Variants in CSMD3 observed in about 807,000 individuals in gnomAD.
The protein encoded by CSMD3 is CUB and sushi domain-containing protein 3.
Under a neutral mutation model 435.2 loss-of-function variants are expected in CSMD3, and 177 were observed. The ratio of observed to expected loss-of-function variants is 0.41; its 90% CI spans 0.36 to 0.46. The LOEUF is 0.46. Among genes scored for constraint, CSMD3 ranks in the 20% least tolerant of loss-of-function variants. The probability of loss-of-function intolerance (pLI) is 0.34; values close to 1 mark genes in which losing one functional copy is unlikely to be tolerated. For synonymous variants in CSMD3, 1,656 were observed against 1,520.5 expected (o/e 1.09, Z -2.07); for missense variants, 4,265 against 4,504.6 (o/e 0.95, Z 1.52).
At chr8:112,860,416 T>A (rs1188725524) in intron 10 of CSMD3, among the ~76,000 whole-genome samples, 2 of 151,742 alleles carry the variant, frequency 1.3e-5, no homozygotes, top group African/African-American at 2.4e-5. Context: ...ATAGAAAAAA[T>A]AATAAATTGT....
At chr8:112,899,347 T>C (rs1319240074) in intron 10 of CSMD3, among the ~76,000 whole-genome samples, 1 of 150,682 alleles carries the variant, frequency 6.6e-6, no homozygotes, top group East Asian at 2.0e-4. Context: ...AACTGTGAAA[T>C]TATCATATTG....
chr8:112,810,414 A>G (rs2079193698), intron 12 of CSMD3, among the ~76,000 whole-genome samples: 1 of 152,118 alleles, frequency 6.6e-6, no homozygotes, highest in Non-Finnish European at 1.5e-5. Flanking sequence ...TAAGACTGCA[A>G]ATGATAAGTC....
At chr8:113,294,344 A>G (rs2093704954) in intron 2 of CSMD3, among the ~76,000 whole-genome samples, 1 of 152,120 alleles carries the variant, frequency 6.6e-6, no homozygotes, top group South Asian at 2.1e-4. Context: ...CATTCAACAT[A>G]CATTATCTCA....
chr8:113,199,260 C>T (rs1414555213), intron 3 of CSMD3, among the ~76,000 whole-genome samples: 1 of 151,382 alleles, frequency 6.6e-6, no homozygotes, highest in African/African-American at 2.4e-5. Context: ...TCAAGGTCAA[C>T]AATTGTGTAC....
At chr8:112,755,351 A>ACAG (rs1563929203) in intron 13 of CSMD3, among the ~76,000 whole-genome samples, 1 of 147,450 alleles carries the variant, frequency 6.8e-6, no homozygotes, top group Admixed American at 6.8e-5. Flanking sequence ...AATAATAATA[A>ACAG]TAATAATAAT....
At position 112,309,256 on chromosome 8, in the gene CSMD3, A is replaced by AT. The variant is rs940406547; in HGVS notation, c.7885+1721dup. On this transcript the variant is annotated intron_variant, in intron 50 of 70. Transcript: ENST00000297405. ...ATTTCAGAAAGCATGCGGTATTTTT[A>AT]TTTTACATGATAGTCAATTATTCTC... Among the ~76,000 whole-genome samples the AT allele has an allele frequency of 9.2e-5, 14 of 152,060 alleles. No homozygotes were observed. The East Asian group carries it at 2.5e-3, about 27-fold the overall frequency.
At chr8:113,388,022 G>C (rs1293389971) in intron 1 of CSMD3, among the ~76,000 whole-genome samples, 1 of 151,622 alleles carries the variant, frequency 6.6e-6, no homozygotes, top group Admixed American at 6.6e-5. Flanking sequence ...TGTTGAACCA[G>C]ATATCCCGCT....
chr8:113,041,146 C>T (rs143206407), intron 5 of CSMD3, among the ~76,000 whole-genome samples: 13 of 137,902 alleles, frequency 9.4e-5, no homozygotes, highest in Non-Finnish European at 1.2e-4. Flanking sequence ...GCAGAGGTTG[C>T]GGTGAGCCGA....
chr8:112,764,343 CCAAAATTAGAA>C (rs2077922212), intron 13 of CSMD3, among the ~76,000 whole-genome samples: 5 of 150,190 alleles, frequency 3.3e-5, no homozygotes, highest in Admixed American at 3.3e-4. Context: ...AATAAAAATA[CCAAAATTAGAA>C]CAAAGTAAAG....
intron 2 of CSMD3, among the ~76,000 whole-genome samples, chr8:113,286,210 T>C (rs2093645513): frequency 6.6e-6 from 1 of 152,168 alleles, no homozygotes; most frequent in South Asian, 2.1e-4. Flanking sequence ...TGATCCTGTC[T>C]CTTCTCATGT....
Position 113,295,083 on chromosome 8 carries a change from G to A in CSMD3, c.402-16379C>T, listed in dbSNP as rs540039106. On this transcript the variant is annotated intron_variant, in intron 2 of 70. Coordinates refer to ENST00000297405, the MANE Select transcript of CSMD3 (RefSeq NM_198123.2). ...AGGTGCATATATTTATGGGGTACATGATGTATTTTGAAACAGGCATATAAT... is the reference window on the plus strand; with the variant it reads ...AGGTGCATATATTTATGGGGTACATAATGTATTTTGAAACAGGCATATAAT... 2.0e-5 allele frequency among the ~76,000 whole-genome samples: 3 copies of A among 152,148 alleles called. No homozygotes were observed. In the South Asian group the frequency reaches 6.2e-4, roughly 32 times the overall value.
chr8:112,616,366 C>A (rs549578280), intron 22 of CSMD3, among the ~76,000 whole-genome samples: 182 of 152,176 alleles, frequency 1.2e-3, no homozygotes, highest in Middle Eastern at 3.4e-3. Context: ...TTAATGACAT[C>A]TACATATATA....
At chr8:113,153,630 G>T (rs945650762) in intron 4 of CSMD3, among the ~76,000 whole-genome samples, 4 of 152,002 alleles carry the variant, frequency 2.6e-5, no homozygotes, top group South Asian at 4.1e-4. Context: ...ATTTAGAGTT[G>T]TCCAAAAAGT....
chr8:112,906,500 C>A (rs561930110), intron 10 of CSMD3, among the ~76,000 whole-genome samples: 2 of 151,600 alleles, frequency 1.3e-5, no homozygotes, highest in African/African-American at 2.4e-5. Context: ...GAAAAGGAGA[C>A]AACTGCCCTT....
intron 31 of CSMD3, among the ~76,000 whole-genome samples, chr8:112,478,543 A>T (rs1563591621): frequency 6.6e-6 from 1 of 152,088 alleles, no homozygotes; most frequent in African/African-American, 2.4e-5. Flanking sequence ...TGTCCTAGAG[A>T]TCTGTGCAAA....
At chr8:113,013,657 T>C (rs540653452) in intron 6 of CSMD3, among the ~76,000 whole-genome samples, 34 of 152,184 alleles carry the variant, frequency 2.2e-4, no homozygotes, top group African/African-American at 8.2e-4. Flanking sequence ...TTGGAGGATC[T>C]AGATAGCTAA....
chr8:113,125,821 G>T (rs1468796567), intron 4 of CSMD3, among the ~76,000 whole-genome samples: 1 of 151,908 alleles, frequency 6.6e-6, no homozygotes, highest in Admixed American at 6.6e-5. Flanking sequence ...TGATGAGAAG[G>T]AGAGGAAAAG....
At chr8:112,502,177 G>A (rs1640117322) in intron 30 of CSMD3, among the ~76,000 whole-genome samples, 1 of 152,148 alleles carries the variant, frequency 6.6e-6, no homozygotes, top group South Asian at 2.1e-4. Flanking sequence ...TTAGAGTGGT[G>A]TTGTGGTCAA....
At chr8:113,168,476 G>A (rs899070086) in intron 4 of CSMD3, among the ~76,000 whole-genome samples, 8 of 123,948 alleles carry the variant, frequency 6.5e-5, no homozygotes, top group South Asian at 2.7e-4. Context: ...AGCCGGGATC[G>A]TGCCACTGCA....
Sources: gnomAD v4.1 joint callset for allele counts (sites outside exome capture counted in the v4.1 genomes callset) on GRCh38, gnomAD v4.1.1 for gene constraint, MANE v1.5 for transcripts, NCBI Gene and HGNC (gene_info 2026-07-23, HGNC 2026-07-21) for gene names.